ATP2B2: variants seen among roughly 807,000 people sequenced by gnomAD.
ATP2B2 encodes the protein plasma membrane calcium-transporting ATPase 2.
ATP2B2 carries 15 observed loss-of-function variants against 120.0 expected under a neutral mutation model. That is an observed-to-expected ratio of 0.12 (90% confidence interval 0.08 to 0.19). The LOEUF (loss-of-function observed/expected upper bound fraction) is 0.19, where lower values mean the gene tolerates loss of function less well. Ranked by LOEUF, ATP2B2 falls within the 10% of genes least tolerant of loss-of-function variation. The pLI is 1.00. For missense variants in ATP2B2, 1,045 were observed against 1,719.8 expected (o/e 0.61, Z 6.94); for synonymous variants, 694 against 700.3 (o/e 0.99, Z 0.14).
chr3:10,511,288 A>C, intron 3 of ATP2B2, among the ~76,000 whole-genome samples: 1 of 151,908 alleles, frequency 6.6e-6, no homozygotes, highest in African/African-American at 2.4e-5. Flanking sequence ...CCCATGCCCC[A>C]AGAAGAGTTT....
chr3:10,688,633 G>A (rs7649292), intron 1 of ATP2B2, among the ~76,000 whole-genome samples: 50,516 of 151,984 alleles, frequency 0.33, 9,973 homozygotes, highest in African/African-American at 0.56. Context: ...CAGGGACAAC[G>A]TTAAGGTGAG....
At chr3:10,412,058 G>T (rs1006083443) in intron 2 of ATP2B2, among the ~76,000 whole-genome samples, 9 of 152,162 alleles carry the variant, frequency 5.9e-5, no homozygotes, top group African/African-American at 2.2e-4. Flanking sequence ...CTTCTGACCC[G>T]CAACCTGTGT....
intron 1 of ATP2B2, among the ~76,000 whole-genome samples, chr3:10,671,634 C>A (rs1237793559): frequency 1.3e-5 from 2 of 152,168 alleles, no homozygotes; most frequent in Non-Finnish European, 2.9e-5. Context: ...CAGAAATGAT[C>A]TAGCAGTCTC....
At chr3:10,531,771 G>A (rs889970335) in intron 3 of ATP2B2, among the ~76,000 whole-genome samples, 2 of 152,132 alleles carry the variant, frequency 1.3e-5, no homozygotes, top group Admixed American at 6.5e-5. Flanking sequence ...GGGGCTCATC[G>A]CAATGCCTGG....
chr3:10,520,395 G>A (rs1347444190), intron 3 of ATP2B2, among the ~76,000 whole-genome samples: 2 of 152,210 alleles, frequency 1.3e-5, no homozygotes, highest in Non-Finnish European at 2.9e-5. Context: ...TCCTCACTGT[G>A]GGAGGCGGGT....
intron 1 of ATP2B2, among the ~76,000 whole-genome samples, chr3:10,702,448 A>C (rs1478888441): frequency 2.0e-5 from 3 of 152,324 alleles, no homozygotes; most frequent in East Asian, 1.9e-4. Flanking sequence ...ATAGATGAGG[A>C]AACTGAGACA....
chr3:10,584,691 T>A (rs948875844), intron 2 of ATP2B2, among the ~76,000 whole-genome samples: 1 of 152,168 alleles, frequency 6.6e-6, no homozygotes, highest in Admixed American at 6.5e-5. Flanking sequence ...CCTTAATTAT[T>A]TTCCACTTCT....
intron 5 of ATP2B2, among the ~76,000 whole-genome samples, chr3:10,391,936 C>T (rs2061865087): frequency 6.6e-6 from 1 of 152,170 alleles, no homozygotes; most frequent in South Asian, 2.1e-4. Flanking sequence ...TGTCTACCTC[C>T]CTGGCCTTTG....
chr3:10,404,615 T>C (rs2062346916), intron 3 of ATP2B2, among the ~76,000 whole-genome samples: 1 of 152,244 alleles, frequency 6.6e-6, no homozygotes, highest in African/African-American at 2.4e-5. Flanking sequence ...TGCATTCAAG[T>C]TCCACAGCCT....
intron 2 of ATP2B2, among the ~76,000 whole-genome samples, chr3:10,541,809 C>T (rs780820901): frequency 3.3e-5 from 5 of 152,096 alleles, no homozygotes; most frequent in South Asian, 4.1e-4. Flanking sequence ...TAAGTTCTTC[C>T]GTATTCCTGC....
rs1012554742 is a variant in ATP2B2, at chr3:10,682,463, C to G, written c.-460+25452G>C. On this transcript the variant is annotated intron_variant, in intron 1 of 21. Coordinates refer to the ATP2B2 transcript ENST00000646379. ...ACTTCTCTGTGCCTCAGTTTCTTTGCTGTAAAAGAAATGTGACAGTGACAA... is the reference window on the plus strand; with the variant it reads ...ACTTCTCTGTGCCTCAGTTTCTTTGGTGTAAAAGAAATGTGACAGTGACAA... Among the ~76,000 whole-genome samples the G allele has an allele frequency of 6.6e-5, 10 of 152,216 alleles. No homozygotes were observed. The East Asian group carries it at 1.9e-3, about 29-fold the overall frequency.
intron 1 of ATP2B2, among the ~76,000 whole-genome samples, chr3:10,499,391 G>A (rs765289738): frequency 8.5e-5 from 13 of 152,180 alleles, no homozygotes; most frequent in Non-Finnish European, 1.9e-4. Flanking sequence ...AAACTGAGGC[G>A]AAGTCACTGG....
chr3:10,492,077 C>A (rs1478044838), intron 1 of ATP2B2, among the ~76,000 whole-genome samples: 9 of 152,212 alleles, frequency 5.9e-5, no homozygotes, highest in Admixed American at 5.9e-4. Flanking sequence ...TTTGTTGCGA[C>A]AAGCATGCAT....
chr3:10,353,434 G>T (rs188960571), intron 14 of ATP2B2, among the ~76,000 whole-genome samples: 7 of 152,320 alleles, frequency 4.6e-5, no homozygotes, highest in African/African-American at 1.4e-4. Flanking sequence ...AGTCCTGGCC[G>T]CAGGGAACTG....
chr3:10,621,820 T>A (rs2069558460), intron 1 of ATP2B2, among the ~76,000 whole-genome samples: 1 of 152,214 alleles, frequency 6.6e-6, no homozygotes, highest in Non-Finnish European at 1.5e-5. Flanking sequence ...AGAAGTTACA[T>A]GGCACTCACA....
At chr3:10,536,078 GTAA>G (rs2067307676) in intron 2 of ATP2B2, among the ~76,000 whole-genome samples, 1 of 152,130 alleles carries the variant, frequency 6.6e-6, no homozygotes, top group South Asian at 2.1e-4. Flanking sequence ...TGATAGGTGT[GTAA>G]TAATATCTAA....
At chr3:10,478,729 A>G (rs1468207795) in intron 1 of ATP2B2, among the ~76,000 whole-genome samples, 2 of 152,166 alleles carry the variant, frequency 1.3e-5, no homozygotes, top group African/African-American at 4.8e-5. Context: ...ATTTCCCTGC[A>G]CAGCCCATGT....
At chr3:10,495,062 T>C (rs2066089274) in intron 1 of ATP2B2, among the ~76,000 whole-genome samples, 1 of 152,172 alleles carries the variant, frequency 6.6e-6, no homozygotes. Flanking sequence ...CCTGCTGTCT[T>C]GTAGGGAGGC....
chr3:10,437,628 C>T (rs990802709), intron 2 of ATP2B2, among the ~76,000 whole-genome samples: 7 of 152,238 alleles, frequency 4.6e-5, no homozygotes, highest in Admixed American at 6.5e-5. Flanking sequence ...TTCATGTCCC[C>T]ACTTTACAGA....
Sources: gnomAD v4.1 joint callset for allele counts (sites outside exome capture counted in the v4.1 genomes callset) on GRCh38, gnomAD v4.1.1 for gene constraint, MANE v1.5 for transcripts, NCBI Gene and HGNC (gene_info 2026-07-23, HGNC 2026-07-21) for gene names.